Variants in UBE2K observed in about 807,000 individuals in gnomAD.
UBE2K encodes ubiquitin-conjugating enzyme E2 K.
Under a neutral mutation model 30.0 loss-of-function variants are expected in UBE2K, and 6 were observed. That is an observed-to-expected ratio of 0.20 (90% confidence interval 0.11 to 0.39). UBE2K has a LOEUF of 0.39. Ranked by LOEUF, UBE2K falls within the 10% of genes least tolerant of loss-of-function variation. UBE2K has a pLI of 1.00. For missense variants in UBE2K, 61 were observed against 241.6 expected (o/e 0.25, Z 4.96); for synonymous variants, 86 against 83.7 (o/e 1.03, Z -0.15).
At chr4:39,770,543 C>T in intron 4 of UBE2K, 9 of 1,596,516 alleles carry the variant, frequency 5.6e-6, no homozygotes, top group South Asian at 1.1e-5. Flanking sequence ...CAACCATGGC[C>T]GCCGCTGCTG....
chr4:39,714,541 TA>T lies in UBE2K; in HGVS notation c.63+16152del, dbSNP rs1459504098. On this transcript the variant is annotated intron_variant, in intron 1 of 6. Coordinates refer to ENST00000261427, the MANE Select transcript of UBE2K (RefSeq NM_005339.5). ...TCATATATATATATATATATATATA[TA>T]TATATATATTTTTTTTTTTTTTTAA... is the stretch of plus-strand genomic sequence containing the variant. 31 of 53,838 alleles carry T rather than the reference TA, an allele frequency of 5.8e-4. 2 individuals carry two copies. The highest frequency in any genetic ancestry group is 1.9e-3 in the African/African-American group (13 of 6,966). The allele number at this position is 53,838 out of a possible 1,614,324, so 3.3% of individuals were successfully genotyped here.
Position 39,780,388 on chromosome 4 carries a change from T to C in UBE2K, c.*1954T>C, listed in dbSNP as rs1439192837. 1.2e-4 allele frequency: 18 copies of C among 152,114 alleles called. No homozygotes were observed. Among genetic ancestry groups the C allele is most frequent in the Non-Finnish European group, 4.4e-5 (3 of 67,990 alleles). The allele number at this position is 152,114 out of a possible 1,614,324, so 9.4% of individuals were successfully genotyped here. A position where few individuals can be genotyped will look rare whatever the true frequency, so the allele number is the denominator to read the frequency against. ...TCAGACACATCTACCCAGTTTATTT[T>C]TTGCCTGTATTATCAGGGTATATTT... On this transcript the variant is annotated 3_prime_UTR_variant, in exon 7 of 7. Coordinates refer to ENST00000261427, the MANE Select transcript of UBE2K (RefSeq NM_005339.5).
chr4:39,752,724 A>G (rs1193951586), intron 3 of UBE2K, among the ~76,000 whole-genome samples: 1 of 152,332 alleles, frequency 6.6e-6, no homozygotes, highest in East Asian at 1.9e-4. Context: ...AATAGTAAAT[A>G]GAGGTTGATT....
At chr4:39,749,462 A>G (rs1228401138) in intron 3 of UBE2K, among the ~76,000 whole-genome samples, 1 of 152,144 alleles carries the variant, frequency 6.6e-6, no homozygotes, top group East Asian at 1.9e-4. Flanking sequence ...TCAGAAGTTC[A>G]TGACCAAATG....
intron 4 of UBE2K, among the ~76,000 whole-genome samples, chr4:39,764,073 T>A (rs1187975134): frequency 2.0e-5 from 3 of 152,202 alleles, no homozygotes; most frequent in Non-Finnish European, 2.9e-5. Flanking sequence ...TTATTAAAAC[T>A]GGCTGTGTGC....
chr4:39,774,625 GAAAA>G (rs1014952709), intron 4 of UBE2K, among the ~76,000 whole-genome samples: 1 of 151,706 alleles, frequency 6.6e-6, no homozygotes. Flanking sequence ...GGGAAAAAAA[GAAAA>G]AAGAAATAGG....
At chr4:39,735,633 A>G (rs369238167) in intron 1 of UBE2K, among the ~76,000 whole-genome samples, 2 of 152,096 alleles carry the variant, frequency 1.3e-5, no homozygotes, top group African/African-American at 2.4e-5. Context: ...TGCCCGCCTC[A>G]GCCTCCCAAA....
chr4:39,702,747 C>G, intron 1 of UBE2K, among the ~76,000 whole-genome samples: 1 of 152,208 alleles, frequency 6.6e-6, no homozygotes, highest in South Asian at 2.1e-4. Flanking sequence ...TTGTAAATCT[C>G]TAAAAGTAAG....
At chr4:39,714,550 A>ATATATATATATATTTTTTTTTTT in intron 1 of UBE2K, 3 of 17,852 alleles carry the variant, frequency 1.7e-4, no homozygotes, top group African/African-American at 7.4e-4. Context: ...ATATATATAT[A>ATATATATATATATTTTTTTTTTT]TTTTTTTTTT....
At chr4:39,720,968 A>C (rs989891958) in intron 1 of UBE2K, among the ~76,000 whole-genome samples, 4 of 152,178 alleles carry the variant, frequency 2.6e-5, no homozygotes, top group African/African-American at 9.7e-5. Context: ...GCTGGTCTTG[A>C]ACTCCTGGCC....
intron 1 of UBE2K, among the ~76,000 whole-genome samples, chr4:39,731,142 C>T (rs1407330534): frequency 6.6e-6 from 1 of 152,150 alleles, no homozygotes; most frequent in Non-Finnish European, 1.5e-5. Flanking sequence ...ATCCGCCTGC[C>T]TCAGCCTCCC....
intron 1 of UBE2K, among the ~76,000 whole-genome samples, chr4:39,712,937 C>T (rs1296909518): frequency 6.6e-6 from 1 of 151,026 alleles, no homozygotes. Context: ...GCGATCTTGG[C>T]TCGCTGCAAC....
chr4:39,768,778 T>G (rs1712528522), intron 4 of UBE2K, among the ~76,000 whole-genome samples: 1 of 152,160 alleles, frequency 6.6e-6, no homozygotes, highest in Non-Finnish European at 1.5e-5. Context: ...TTCCTTTCCT[T>G]TACATCATCA....
chr4:39,759,952 G>A (rs926961864), intron 4 of UBE2K, among the ~76,000 whole-genome samples: 1 of 152,072 alleles, frequency 6.6e-6, no homozygotes, highest in South Asian at 2.1e-4. Flanking sequence ...AAGGTAGGTG[G>A]ATTGCTTGAG....
intron 3 of UBE2K, among the ~76,000 whole-genome samples, chr4:39,752,331 TTTTC>T (rs1418962237): frequency 1.9e-5 from 2 of 103,834 alleles, no homozygotes; most frequent in African/African-American, 7.4e-5. Flanking sequence ...TTTTCTTTTT[TTTTC>T]TTTTTTTTTT....
chr4:39,734,581 G>C (rs960742605), intron 1 of UBE2K, among the ~76,000 whole-genome samples: 3 of 152,124 alleles, frequency 2.0e-5, no homozygotes, highest in African/African-American at 7.2e-5. Context: ...GAGGCCAAAG[G>C]TGGTGGATCA....
At chr4:39,715,869 A>C (rs1447302841) in intron 1 of UBE2K, among the ~76,000 whole-genome samples, 2 of 152,064 alleles carry the variant, frequency 1.3e-5, no homozygotes, top group Non-Finnish European at 2.9e-5. Context: ...TTTTAAAGAC[A>C]TTCTTCTGTA....
intron 1 of UBE2K, among the ~76,000 whole-genome samples, chr4:39,733,051 G>GAAAAAA (rs59978380): frequency 4.1e-5 from 4 of 97,060 alleles, no homozygotes; most frequent in East Asian, 3.4e-4. Flanking sequence ...GGAACATCAG[G>GAAAAAA]AAAAAAAAAA....
At chr4:39,742,479 G>T (rs1288411709) in intron 2 of UBE2K, among the ~76,000 whole-genome samples, 1 of 152,160 alleles carries the variant, frequency 6.6e-6, no homozygotes, top group Admixed American at 6.5e-5. Flanking sequence ...GCTCATGCCT[G>T]TAATCCCATT....
Sources: allele counts gnomAD v4.1 joint callset (sites outside exome capture counted in the v4.1 genomes callset), GRCh38; gene constraint gnomAD v4.1.1; transcripts MANE v1.5; gene names NCBI Gene and HGNC (gene_info 2026-07-23, HGNC 2026-07-21).